LOC400499: variants seen among roughly 807,000 people sequenced by gnomAD.
At chr16:11,482,253 G>C in the LOC400499 span, among the ~76,000 whole-genome samples, 2 of 152,186 alleles carry the variant, frequency 1.3e-5, no homozygotes, top group East Asian at 3.9e-4. Context: ...GTGGTGCAAG[G>C]AGGGGGAATG....
At chr16:11,378,817 T>C in the LOC400499 span, among the ~76,000 whole-genome samples, 2 of 152,248 alleles carry the variant, frequency 1.3e-5, no homozygotes, top group African/African-American at 2.4e-5. Flanking sequence ...CATACAATCT[T>C]TCCTGGAGAA....
the LOC400499 span, among the ~76,000 whole-genome samples, chr16:11,443,655 T>C: frequency 6.6e-6 from 1 of 152,034 alleles, no homozygotes; most frequent in Non-Finnish European, 1.5e-5. Context: ...CGCTACATTG[T>C]AATCGTCACA....
the LOC400499 span, among the ~76,000 whole-genome samples, chr16:11,513,065 G>C: frequency 2.3e-4 from 35 of 152,324 alleles, no homozygotes; most frequent in African/African-American, 7.5e-4. Context: ...CCTTGGACAA[G>C]TCATTTGACC....
the LOC400499 span, among the ~76,000 whole-genome samples, chr16:11,406,886 G>A: frequency 5.3e-5 from 8 of 152,126 alleles, no homozygotes; most frequent in Non-Finnish European, 8.8e-5. Context: ...AGTACTATCT[G>A]GCATATTTCG....
the LOC400499 span, among the ~76,000 whole-genome samples, chr16:11,374,756 G>A: frequency 6.6e-6 from 1 of 152,226 alleles, no homozygotes; most frequent in African/African-American, 2.4e-5. Context: ...TCTGGCCGTT[G>A]TGAATAATGC....
At chr16:11,402,362 T>C in the LOC400499 span, 1 of 387,866 alleles carries the variant, frequency 2.6e-6, no homozygotes, top group Non-Finnish European at 4.6e-6. Flanking sequence ...CACCCTGCAC[T>C]GTCCCTGTGG....
At chr16:11,521,476 A>C in the LOC400499 span, among the ~76,000 whole-genome samples, 2 of 152,152 alleles carry the variant, frequency 1.3e-5, no homozygotes, top group Non-Finnish European at 2.9e-5. Flanking sequence ...ACTGGACCTT[A>C]GTGTTTGCCT....
chr16:11,388,326 C>T, the LOC400499 span, among the ~76,000 whole-genome samples: 1 of 152,288 alleles, frequency 6.6e-6, no homozygotes, highest in East Asian at 1.9e-4. Context: ...CCATTCTGAC[C>T]GCAGGAAGGC....
At chr16:11,375,747 T>TTTTTTTTTTG in the LOC400499 span, among the ~76,000 whole-genome samples, 1 of 151,108 alleles carries the variant, frequency 6.6e-6, no homozygotes. Context: ...TTTTTTTTTT[T>TTTTTTTTTTG]GAGATGGAGT....
chr16:11,470,390 G>A, the LOC400499 span, among the ~76,000 whole-genome samples: 1 of 152,188 alleles, frequency 6.6e-6, no homozygotes, highest in Non-Finnish European at 1.5e-5. Context: ...GGCTCCCTGT[G>A]AGACCAGGCT....
At chr16:11,522,354 C>G in the LOC400499 span, among the ~76,000 whole-genome samples, 1 of 152,186 alleles carries the variant, frequency 6.6e-6, no homozygotes, top group Admixed American at 6.5e-5. Context: ...GCCAGGCTTT[C>G]TTCTAATATC....
chr16:11,484,069 G>A, the LOC400499 span, among the ~76,000 whole-genome samples: 26 of 128,038 alleles, frequency 2.0e-4, no homozygotes, highest in African/African-American at 5.4e-4. Context: ...GTGCAGTGGC[G>A]TGATTTCGGC....
chr16:11,509,484 C>A, the LOC400499 span, among the ~76,000 whole-genome samples: 1 of 151,796 alleles, frequency 6.6e-6, no homozygotes, highest in Non-Finnish European at 1.5e-5. Flanking sequence ...GATCTCCAAG[C>A]CATCGAGTGA....
chr16:11,392,664 G>A, the LOC400499 span: 1 of 577,324 alleles, frequency 1.7e-6, no homozygotes. Flanking sequence ...TGAGCCACCT[G>A]AAGCCCCCTC....
the LOC400499 span, among the ~76,000 whole-genome samples, chr16:11,466,906 G>C: frequency 6.7e-6 from 1 of 149,376 alleles, no homozygotes; most frequent in Non-Finnish European, 1.5e-5. Flanking sequence ...CAAGGTGTAC[G>C]TACGTATATG....
the LOC400499 span, chr16:11,446,973 T>C: frequency 1.3e-5 from 19 of 1,487,552 alleles, no homozygotes; most frequent in South Asian, 7.9e-5. Context: ...CAGGGGACAA[T>C]TGTGCCCCAC....
chr16:11,398,271 G>C, the LOC400499 span: 6 of 1,189,644 alleles, frequency 5.0e-6, no homozygotes, highest in African/African-American at 1.6e-5. Flanking sequence ...TGCATTCTGC[G>C]GGCACCACCC....
At chr16:11,471,768 C>T in the LOC400499 span, 2 of 399,212 alleles carry the variant, frequency 5.0e-6, no homozygotes, top group Non-Finnish European at 8.8e-6. Flanking sequence ...GCTGGCCAGG[C>T]ACCGGCCAGG....
At chr16:11,515,938 A>G in the LOC400499 span, 1 of 366,378 alleles carries the variant, frequency 2.7e-6, no homozygotes, top group Non-Finnish European at 4.6e-6. Flanking sequence ...CAGCCACTCC[A>G]GGCAGGGCCT....
Sources: gnomAD v4.1 joint callset for allele counts (sites outside exome capture counted in the v4.1 genomes callset) on GRCh38, gnomAD v4.1.1 for gene constraint, MANE v1.5 for transcripts.